The following ACOXL variants were observed in gnomAD, a reference collection of about 807,000 sequenced individuals.
ACOXL encodes the protein acyl-CoA oxidase like.
A neutral mutation model predicts 71.9 loss-of-function variants in ACOXL; 70 were observed. That is an observed-to-expected ratio of 0.97 (90% CI 0.80 to 1.19). The LOEUF (loss-of-function observed/expected upper bound fraction) is 1.19. Among genes scored for constraint, ACOXL ranks in the 50% most tolerant of loss-of-function variants. The pLI, the probability that ACOXL is intolerant of heterozygous loss-of-function variation, is 0.00. For missense variants in ACOXL, 703 were observed against 736.3 expected (o/e 0.95, Z 0.52); for synonymous variants, 253 against 281.6 (o/e 0.90, Z 1.02).
At chr2:110,828,201 A>T (rs1689391791) in intron 9 of ACOXL, among the ~76,000 whole-genome samples, 1 of 152,140 alleles carries the variant, frequency 6.6e-6, no homozygotes, top group African/African-American at 2.4e-5. Context: ...CAAATTCCTG[A>T]GCTCAAGCAA....
chr2:111,106,004 A>T (rs1200806641), intron 17 of ACOXL, among the ~76,000 whole-genome samples: 1 of 152,176 alleles, frequency 6.6e-6, no homozygotes, highest in Non-Finnish European at 1.5e-5. Context: ...CTTTGGATTT[A>T]TGCTGTTTGG....
chr2:111,081,070 A>G (rs1272290120), intron 16 of ACOXL, among the ~76,000 whole-genome samples: 3 of 152,218 alleles, frequency 2.0e-5, no homozygotes, highest in African/African-American at 7.2e-5. Flanking sequence ...TATCATACTG[A>G]ATAGGCAAAA....
chr2:110,825,443 T>G (rs1033128246), intron 9 of ACOXL, among the ~76,000 whole-genome samples: 1 of 152,092 alleles, frequency 6.6e-6, no homozygotes, highest in African/African-American at 2.4e-5. Flanking sequence ...TCATTTTTCT[T>G]ATTTTGCCCT....
At chr2:111,004,491 AC>A (rs1574457660) in intron 14 of ACOXL, among the ~76,000 whole-genome samples, 2 of 152,190 alleles carry the variant, frequency 1.3e-5, no homozygotes, top group East Asian at 3.9e-4. Flanking sequence ...CCAGAATTTC[AC>A]TTAAAATGGA....
intron 14 of ACOXL, among the ~76,000 whole-genome samples, chr2:111,026,015 T>C (rs13025923): frequency 0.15 from 22,337 of 152,162 alleles, 1,740 homozygotes; most frequent in Middle Eastern, 0.23. Context: ...TGTTGAAAAA[T>C]TGTTTTCCCC....
intron 12 of ACOXL, among the ~76,000 whole-genome samples, chr2:110,934,457 T>C (rs2060589977): frequency 6.6e-6 from 1 of 152,232 alleles, no homozygotes; most frequent in Admixed American, 6.5e-5. Flanking sequence ...CTGAATTTAA[T>C]GCTGAACTTC....
At chr2:111,116,313 C>T (rs1209554379) in intron 17 of ACOXL, among the ~76,000 whole-genome samples, 1 of 152,158 alleles carries the variant, frequency 6.6e-6, no homozygotes, top group African/African-American at 2.4e-5. Flanking sequence ...TGATGCTTAA[C>T]CACAGTGTGT....
chr2:110,879,847 A>G (rs1696399674), intron 10 of ACOXL, among the ~76,000 whole-genome samples: 2 of 152,112 alleles, frequency 1.3e-5, no homozygotes, highest in Admixed American at 1.3e-4. Flanking sequence ...AAAGACATAG[A>G]TTGAAAGGAA....
chr2:111,088,192 G>A (rs1320108246), intron 16 of ACOXL, among the ~76,000 whole-genome samples: 1 of 152,234 alleles, frequency 6.6e-6, no homozygotes, highest in East Asian at 1.9e-4. Flanking sequence ...TGTACTGCTG[G>A]TGGGAGTGTA....
intron 12 of ACOXL, among the ~76,000 whole-genome samples, chr2:110,945,705 T>A (rs1005343770): frequency 4.6e-5 from 7 of 152,212 alleles, no homozygotes; most frequent in South Asian, 2.1e-4. Flanking sequence ...GGTCTATATG[T>A]CTGTTTTTGT....
chr2:110,886,165 G>A (rs947099406), intron 10 of ACOXL, among the ~76,000 whole-genome samples: 1 of 152,206 alleles, frequency 6.6e-6, no homozygotes, highest in Admixed American at 6.5e-5. Context: ...TACCTGGTAG[G>A]ATGTATAATA....
intron 1 of ACOXL, among the ~76,000 whole-genome samples, chr2:110,738,018 G>GT (rs1320499109): frequency 6.6e-6 from 1 of 152,232 alleles, no homozygotes; most frequent in Non-Finnish European, 1.5e-5. Flanking sequence ...CAGTGTGACA[G>GT]TTTCCAGGCT....
At chr2:111,023,407 G>T (rs1423175509) in intron 14 of ACOXL, among the ~76,000 whole-genome samples, 2 of 152,166 alleles carry the variant, frequency 1.3e-5, no homozygotes, top group Admixed American at 6.5e-5. Context: ...TTCTGCAGAG[G>T]ATTGTGCACT....
intron 15 of ACOXL, among the ~76,000 whole-genome samples, chr2:111,040,538 C>G (rs541176012): frequency 9.6e-4 from 146 of 152,282 alleles, no homozygotes; most frequent in Admixed American, 3.9e-3. Context: ...CAGTATGAAA[C>G]AGCCCCTGCT....
intron 10 of ACOXL, among the ~76,000 whole-genome samples, chr2:110,880,160 A>C (rs1414789767): frequency 6.6e-6 from 1 of 151,222 alleles, no homozygotes; most frequent in African/African-American, 2.4e-5. Context: ...AAACAAAAAA[A>C]AAAAAAAAAA....
At chr2:110,943,684 C>T (rs935133916) in intron 12 of ACOXL, among the ~76,000 whole-genome samples, 19 of 152,188 alleles carry the variant, frequency 1.2e-4, no homozygotes, top group African/African-American at 1.7e-4. Flanking sequence ...GTACTAAACT[C>T]CATAGGGCTT....
intron 14 of ACOXL, among the ~76,000 whole-genome samples, chr2:111,028,417 A>G (rs1283169514): frequency 6.6e-6 from 1 of 151,630 alleles, no homozygotes; most frequent in East Asian, 2.0e-4. Context: ...CGGCCTCCCA[A>G]AGTGCTGGGT....
At chr2:111,034,180 A>C (rs1234813182) in intron 15 of ACOXL, among the ~76,000 whole-genome samples, 1 of 152,206 alleles carries the variant, frequency 6.6e-6, no homozygotes, top group Non-Finnish European at 1.5e-5. Flanking sequence ...AAATGTAGAG[A>C]GCATGATATT....
chr2:110,809,602 CG>C (rs1400922123), intron 9 of ACOXL, among the ~76,000 whole-genome samples: 1 of 152,180 alleles, frequency 6.6e-6, no homozygotes, highest in African/African-American at 2.4e-5. Flanking sequence ...TCTTTTCCTA[CG>C]GTGTGCATTG....
Sources: gnomAD v4.1 joint callset for allele counts (sites outside exome capture counted in the v4.1 genomes callset) on GRCh38, gnomAD v4.1.1 for gene constraint, MANE v1.5 for transcripts, NCBI Gene and HGNC (gene_info 2026-07-23, HGNC 2026-07-21) for gene names.